Variants in NEBL observed in about 807,000 individuals in gnomAD.
NEBL encodes nebulette.
In NEBL, 122 loss-of-function variants were observed where a neutral mutation model predicts 140.2. The ratio of observed to expected loss-of-function variants is 0.87; its 90% CI spans 0.75 to 1.01. The LOEUF is 1.01. Among genes scored for constraint, NEBL ranks in the 50% least tolerant of loss-of-function variants. The pLI, the probability that NEBL is intolerant of heterozygous loss-of-function variation, is 0.00. For missense variants in NEBL, 1,365 were observed against 1,231.3 expected, an observed-to-expected ratio of 1.11 and a Z score of -1.62; for synonymous variants, 436 against 398.9, an observed-to-expected ratio of 1.09 and a Z score of -1.11.
chr10:20,907,024 T>C (rs1848121654), intron 4 of NEBL, among the ~76,000 whole-genome samples: 1 of 152,192 alleles, frequency 6.6e-6, no homozygotes, highest in Non-Finnish European at 1.5e-5. Flanking sequence ...AGCCACATTT[T>C]AAGTGTTCAA....
chr10:21,126,039 C>G (rs368152607), intron 2 of NEBL: 234 of 1,614,094 alleles, frequency 1.4e-4, no homozygotes, highest in Non-Finnish European at 1.9e-4. Flanking sequence ...CAAGCGTTGG[C>G]CAGCTTTGCA....
intron 2 of NEBL, among the ~76,000 whole-genome samples, chr10:21,096,764 C>T (rs957876553): frequency 6.6e-6 from 1 of 152,172 alleles, no homozygotes; most frequent in African/African-American, 2.4e-5. Flanking sequence ...ATCCTCCTCC[C>T]TCAGCTGCGA....
At chr10:20,827,523 T>G (rs1839991569) in intron 17 of NEBL, among the ~76,000 whole-genome samples, 1 of 152,238 alleles carries the variant, frequency 6.6e-6, no homozygotes, top group Non-Finnish European at 1.5e-5. Flanking sequence ...TATTAATGAC[T>G]GAGCTAATTC....
intron 2 of NEBL, among the ~76,000 whole-genome samples, chr10:21,022,561 A>G (rs1287293781): frequency 2.0e-5 from 3 of 152,238 alleles, no homozygotes; most frequent in Non-Finnish European, 4.4e-5. Context: ...AGTTAACCCC[A>G]TAACTGCTGG....
chr10:21,275,179 G>A (rs1394845611), intron 1 of NEBL, among the ~76,000 whole-genome samples: 1 of 152,158 alleles, frequency 6.6e-6, no homozygotes, highest in Non-Finnish European at 1.5e-5. Context: ...AGCGACCCTG[G>A]AGCAGAGCAT....
intron 2 of NEBL, among the ~76,000 whole-genome samples, chr10:21,024,766 T>C (rs1419308770): frequency 2.0e-5 from 3 of 152,148 alleles, no homozygotes; most frequent in African/African-American, 7.2e-5. Context: ...GACAACATTC[T>C]GCTCTGAAGT....
chr10:21,153,785 G>T (rs1449064438), intron 2 of NEBL, among the ~76,000 whole-genome samples: 1 of 152,014 alleles, frequency 6.6e-6, no homozygotes, highest in East Asian at 1.9e-4. Flanking sequence ...AAGTGCTGGG[G>T]TTACAGGCGT....
At chr10:21,202,540 T>C (rs1426824967) in intron 3 of NEBL, among the ~76,000 whole-genome samples, 2 of 146,116 alleles carry the variant, frequency 1.4e-5, no homozygotes, top group Non-Finnish European at 3.0e-5. Context: ...CTCAGCTCAC[T>C]GCAAGCTCCG....
At chr10:21,220,119 G>T (rs1469448081) in intron 3 of NEBL, among the ~76,000 whole-genome samples, 1 of 151,912 alleles carries the variant, frequency 6.6e-6, no homozygotes, top group East Asian at 1.9e-4. Context: ...CACCATGTTG[G>T]CCAGGCTGGT....
intron 4 of NEBL, among the ~76,000 whole-genome samples, chr10:20,949,438 A>G (rs1358528837): frequency 2.0e-5 from 3 of 152,318 alleles, no homozygotes; most frequent in African/African-American, 7.2e-5. Context: ...CATTCTGCAC[A>G]TGTATCCCAG....
At position 20,874,755 on chromosome 10, in the gene NEBL, T is replaced by G. The variant is rs113157938; in HGVS notation, c.481-4914A>C. ...TTTCACTTTTCATTTTTTTTCTTTT[T>G]TGAAGATGAAGTCTTGCTATGTCAC... On this transcript the variant is annotated intron_variant, in intron 5 of 27. Coordinates refer to ENST00000377122, the MANE Select transcript of NEBL (RefSeq NM_006393.3). Among the ~76,000 whole-genome samples, 644 of 152,312 alleles carry G rather than the reference T, an allele frequency of 4.2e-3. 5 individuals are homozygous for G. Among genetic ancestry groups the G allele is most frequent in the African/African-American group, 0.015 (613 of 41,578 alleles).
At chr10:20,860,350 A>G (rs193108619) in intron 7 of NEBL, among the ~76,000 whole-genome samples, 1 of 152,132 alleles carries the variant, frequency 6.6e-6, no homozygotes, top group African/African-American at 2.4e-5. Flanking sequence ...CTTAATGTCA[A>G]TGTAAAACTT....
At chr10:21,092,100 T>C (rs567927313) in intron 2 of NEBL, among the ~76,000 whole-genome samples, 5 of 152,266 alleles carry the variant, frequency 3.3e-5, no homozygotes, top group African/African-American at 9.6e-5. Flanking sequence ...AATGGAAGAG[T>C]TCTGTTCTCA....
upstream of NEBL, among the ~76,000 whole-genome samples, chr10:21,178,170 A>C (rs545362331): frequency 6.6e-6 from 1 of 152,378 alleles, no homozygotes; most frequent in African/African-American, 2.4e-5. Context: ...TGCCATTATA[A>C]TATTTCTGCA....
chr10:20,963,344 A>G (rs978277604), intron 3 of NEBL, among the ~76,000 whole-genome samples: 1 of 152,144 alleles, frequency 6.6e-6, no homozygotes, highest in Non-Finnish European at 1.5e-5. Flanking sequence ...GTAAAATAAT[A>G]AAAGTTAAAA....
intron 2 of NEBL, among the ~76,000 whole-genome samples, chr10:21,116,992 T>C (rs1317829748): frequency 3.3e-5 from 5 of 152,060 alleles, no homozygotes; most frequent in Non-Finnish European, 7.4e-5. Flanking sequence ...GTAATTTTTA[T>C]TGGATTTCAG....
chr10:20,985,803 A>T (rs1031796310), intron 3 of NEBL, among the ~76,000 whole-genome samples: 16 of 152,128 alleles, frequency 1.1e-4, no homozygotes, highest in African/African-American at 3.1e-4. Context: ...TTATGTTTTT[A>T]AAAAAAACCA....
intron 3 of NEBL, among the ~76,000 whole-genome samples, chr10:21,004,320 G>A (rs1838028842): frequency 6.6e-6 from 1 of 152,044 alleles, no homozygotes; most frequent in Non-Finnish European, 1.5e-5. Flanking sequence ...TGAAATATTG[G>A]AAAAATTTAT....
In NEBL at chr10:20,797,793, A is replaced by G. The variant is rs528353872; in HGVS notation, c.2762-10485T>C. On this transcript the variant is annotated intron_variant, in intron 26 of 27. Coordinates refer to ENST00000377122, the MANE Select transcript of NEBL (RefSeq NM_006393.3). The stretch of plus-strand genomic sequence containing the variant: ...CACATGGGTCAGGTATGGCACAAGA[A>G]TAAGATCAAGGACCAGAATGAAAAA... 2.0e-5 allele frequency among the ~76,000 whole-genome samples: 3 copies of G among 152,304 alleles called. No homozygotes were observed. The East Asian group carries it at 5.8e-4, about 29-fold the overall frequency.
Sources: gnomAD v4.1 joint callset for allele counts (sites outside exome capture counted in the v4.1 genomes callset) on GRCh38, gnomAD v4.1.1 for gene constraint, MANE v1.5 for transcripts, NCBI Gene and HGNC (gene_info 2026-07-23, HGNC 2026-07-21) for gene names.